The following TRIP10 variants were observed in gnomAD, a reference collection of about 807,000 sequenced individuals.
The protein encoded by TRIP10 is thyroid hormone receptor interactor 10.
TRIP10 carries 54 observed loss-of-function variants against 80.9 expected under a neutral mutation model. The ratio of observed to expected loss-of-function variants is 0.67; its 90% CI spans 0.54 to 0.84. The LOEUF (loss-of-function observed/expected upper bound fraction) is 0.84. TRIP10 is among the 40% of genes least tolerant of loss of function. The pLI is 0.00. For missense variants in TRIP10, 773 were observed against 815.3 expected (o/e 0.95, Z 0.63); for synonymous variants, 321 against 307.2 (o/e 1.04, Z -0.47).
chr19:6,743,928 C>G (rs1479072148), intron 7 of TRIP10, 92 bp downstream of exon 7: 15 of 1,497,044 alleles, frequency 1.0e-5, no homozygotes, highest in Admixed American at 2.0e-5. Flanking sequence ...GCTGCAATGT[C>G]CCAGTCCCTA....
intron 2 of TRIP10, 47 bp downstream of exon 2, chr19:6,741,172 G>C: frequency 1.2e-6 from 2 of 1,613,622 alleles, no homozygotes; most frequent in Non-Finnish European, 1.7e-6. Flanking sequence ...TGGGGCGACG[G>C]GGAGCGGTGG....
In TRIP10 at chr19:6,743,526, G is replaced by C. The variant is rs747863740; in HGVS notation, c.441G>C (p.Glu147Asp). The change falls in exon 6 of 15, where the codon GAG becomes GAC. Residue 147 changes from glutamate to aspartate, a missense_variant. Physicochemically the swap from Glu to Asp is conservative, Grantham distance 45 (BLOSUM62 2). Coordinates refer to ENST00000313244, the MANE Select transcript of TRIP10 (RefSeq NM_001288962.2). Reference sequence around the variant, plus strand: ...GTAAATTTGAGCGGGACTGCCGGGAGGCAGAGAAGGCAGCCCAGACTGCTG... The same window carrying C: ...GTAAATTTGAGCGGGACTGCCGGGACGCAGAGAAGGCAGCCCAGACTGCTG... ...SKRKFERDCR[E>D]AEKAAQTAER... 42 of 1,613,354 alleles carry C rather than the reference G, an allele frequency of 2.6e-5. No individual in the cohort carries two copies. Among genetic ancestry groups the C allele is most frequent in the Middle Eastern group, 1.6e-4 (1 of 6,080 alleles).
rs570070015 is a variant in TRIP10, at chr19:6,750,355, G to A, written c.1459G>A (p.Ala487Thr). Residue 487 changes from alanine (A) to threonine (T), a missense_variant, in exon 13 of 15, where the codon GCC (alanine) becomes ACC (threonine). Physicochemically the swap from Ala to Thr is moderately conservative, Grantham distance 58. Coordinates refer to ENST00000313244, the MANE Select transcript of TRIP10 (RefSeq NM_001288962.2). ...CCGGGGAGACAGCCTGAGCCGGCACGCCCGGCCTCCCGACCCCCCCGCTAG... is the reference window on the plus strand; with the variant it reads ...CCGGGGAGACAGCCTGAGCCGGCACACCCGGCCTCCCGACCCCCCCGCTAG... ...SNRGDSLSRH[A>T]RPPDPPASAP... 20 of 1,614,008 alleles carry A rather than the reference G, an allele frequency of 1.2e-5. No homozygotes were observed. The highest frequency in any genetic ancestry group is 1.6e-4 in the Middle Eastern group (1 of 6,062).
intron 11 of TRIP10, among the ~76,000 whole-genome samples, chr19:6,748,002 C>A (rs1221238430): frequency 6.6e-6 from 1 of 150,458 alleles, no homozygotes; most frequent in Non-Finnish European, 1.5e-5. Flanking sequence ...AAAAAAAATC[C>A]ACCATTGGTT....
At chr19:6,750,138 T>TTGTG in intron 12 of TRIP10, 72 bp downstream of exon 12, 1 of 481,576 alleles carries the variant, frequency 2.1e-6, no homozygotes, top group East Asian at 5.6e-5. Context: ...GGGTGGGGGG[T>TTGTG]CGGGGACAGG....
chr19:6,743,783 T>C lies in TRIP10; in HGVS notation c.589T>C (p.Phe197Leu), dbSNP rs1969009204. 5 of 1,614,046 alleles carry C rather than the reference T, an allele frequency of 3.1e-6. No homozygotes were observed. The highest frequency in any genetic ancestry group is 4.2e-6 in the Non-Finnish European group (5 of 1,179,984). ...KNEYAAQLQR[F>L]NRDQAHFYFS... The stretch of plus-strand genomic sequence containing the variant: ...CGAATATGCGGCTCAACTGCAGCGC[T>C]TCAACCGAGACCAAGCCCACTTCTA... Residue 197 changes from phenylalanine (F) to leucine (L), a missense_variant, in exon 7 of 15, where the codon TTC becomes CTC. Physicochemically the swap from Phe to Leu is conservative, Grantham distance 22. Transcript: ENST00000313244.
chr19:6,750,126 T>TGGGGG, intron 12 of TRIP10, 60 bp downstream of exon 12: 1 of 184,986 alleles, frequency 5.4e-6, no homozygotes, highest in Non-Finnish European at 8.7e-6. Context: ...CACTGCTGGG[T>TGGGGG]GGGGTGGGGG....
rs1969114406 is a variant in TRIP10 at position 6,746,049 on chromosome 19, C to A, written c.1005C>A (p.Ser335=). The change falls in exon 10 of 15, where the codon TCC becomes TCA. Residue 335 remains serine, a synonymous_variant. Transcript: ENST00000313244. The surrounding 1 kb of genome is among the most constrained non-coding windows in gnomAD (Gnocchi z 6.2). ...KKNKPRPPPL[S]PLGGPVPSAL... Reference sequence around the variant, plus strand: ...GGTAGCCTCGCCCCCCACCCCTCTCCCCCCTGGGGGGCCCCGTACCCTCGG... The same window carrying A: ...GGTAGCCTCGCCCCCCACCCCTCTCACCCCTGGGGGGCCCCGTACCCTCGG... 1.4e-5 allele frequency: 20 copies of A among 1,379,414 alleles called. No individual in the cohort carries two copies. Among genetic ancestry groups the A allele is most frequent in the Non-Finnish European group, 1.9e-5 (20 of 1,044,220 alleles). The allele number at this position is 1,379,414 out of a possible 1,614,324, so 85.4% of individuals were successfully genotyped here. A position where few individuals can be genotyped will look rare whatever the true frequency, so the allele number is the denominator to read the frequency against.
intron 1 of TRIP10, chr19:6,740,704 C>T: frequency 3.2e-6 from 1 of 313,442 alleles, no homozygotes; most frequent in South Asian, 5.2e-5. Context: ...ATTAGGGGAG[C>T]CCGAGCTGGG....
In TRIP10 at chr19:6,746,131, A is replaced by T; in HGVS notation, c.1087A>T (p.Ser363Cys). ...RSGRDPLAIL[S>C]EISKSVKPRL... ...CGGCCGTGACCCCTTGGCCATACTG[A>T]GCGAGATCAGTAAGTCGGTCAAACC... The change falls in exon 10 of 15, where the codon AGC becomes TGC. Residue 363 changes from serine to cysteine, a missense_variant. Physicochemically the swap from Ser to Cys is moderately radical, Grantham distance 112. Coordinates refer to ENST00000313244, the MANE Select transcript of TRIP10 (RefSeq NM_001288962.2). This position sits in a 1 kb window ranked among gnomAD's most constrained non-coding sequence, Gnocchi z 6.2. The T allele has an allele frequency of 6.5e-7, 1 of 1,543,888 alleles. No individual in the cohort carries two copies.
Position 6,746,070 on chromosome 19 carries a change from C to T in TRIP10, c.1026C>T (p.Pro342=). 1.3e-6 allele frequency: 2 copies of T among 1,518,194 alleles called. No individual in the cohort carries two copies. The highest frequency in any genetic ancestry group is 1.8e-6 in the Non-Finnish European group (2 of 1,131,636). 94.0% of individuals were successfully genotyped at this position (1,518,194 alleles called of 1,614,324 possible). A position where few individuals can be genotyped will look rare whatever the true frequency, so the allele number is the denominator to read the frequency against. ...TCTCCCCCCTGGGGGGCCCCGTACCCTCGGCATTGCCTAACGGACCCCCGT... is the reference window on the plus strand; with the variant it reads ...TCTCCCCCCTGGGGGGCCCCGTACCTTCGGCATTGCCTAACGGACCCCCGT... ...PPLSPLGGPV[P]SALPNGPPSP... Residue 342 remains proline, a synonymous_variant, in exon 10 of 15, where the codon CCC becomes CCT. Transcript: ENST00000313244. The surrounding 1 kb of genome is among the most constrained non-coding windows in gnomAD (Gnocchi z 6.2).
chr19:6,751,186 C>G lies in TRIP10; in HGVS notation c.1781C>G (p.Ser594Cys). The G allele has an allele frequency of 1.2e-6, 2 of 1,613,984 alleles. No homozygotes were observed. The highest frequency in any genetic ancestry group is 8.5e-7 in the Non-Finnish European group (1 of 1,179,980). ...GGAGGCGAGGGCTACGTGCCCACCT[C>G]CTACCTCCGAGTCACGCTCAATTGA... ...KEGGEGYVPT[S>C]YLRVTLN is the part of the protein sequence containing the mutation. The change falls in exon 15 of 15, where the codon TCC becomes TGC. Residue 594 changes from serine (S) to cysteine (C), a missense_variant. Transcript: ENST00000313244.
intron 14 of TRIP10, 121 bp downstream of exon 14, chr19:6,750,754 G>A: frequency 7.1e-7 from 1 of 1,417,910 alleles, no homozygotes; most frequent in Middle Eastern, 2.3e-4. Context: ...CCAGCACTTT[G>A]GGAAGCTGAG....
In TRIP10 at chr19:6,751,502, T is replaced by A; in HGVS notation, c.*291T>A. On this transcript the variant is annotated 3_prime_UTR_variant, in exon 15 of 15. Coordinates refer to ENST00000313244, the MANE Select transcript of TRIP10 (RefSeq NM_001288962.2). ...AAAATGGGAAAAAAAAAAAAGAAAT[T>A]ATATAAAGTTCCTAGAGTCGGTGTC... is the stretch of plus-strand genomic sequence containing the variant. The A allele has an allele frequency of 1.6e-6, 1 of 621,472 alleles. No individual in the cohort carries two copies. Among genetic ancestry groups the A allele is most frequent in the Non-Finnish European group, 2.4e-6 (1 of 412,628 alleles). 38.5% of individuals were successfully genotyped at this position (621,472 alleles called of 1,614,324 possible).
chr19:6,746,375 G>A lies in TRIP10; in HGVS notation c.1153-77G>A. The A allele has an allele frequency of 1.3e-6, 2 of 1,579,020 alleles. No homozygotes were observed. Among genetic ancestry groups the A allele is most frequent in the Non-Finnish European group, 8.7e-7 (1 of 1,156,020 alleles). On this transcript the variant is annotated intron_variant, in intron 10 of 14. Coordinates refer to ENST00000313244, the MANE Select transcript of TRIP10 (RefSeq NM_001288962.2). This position sits in a 1 kb window ranked among gnomAD's most constrained non-coding sequence, Gnocchi z 6.2. ...AAGAACCATGGCTGGGGAAGGGAGT[G>A]AAATATCTCAGACGGGTGCAGAGTC...
In TRIP10 at chr19:6,743,042, T is replaced by C. The variant is rs1599559062; in HGVS notation, c.273T>C (p.Ala91=). 6.2e-7 allele frequency: 1 copy of C among 1,614,144 alleles called. No homozygotes were observed. Among genetic ancestry groups the C allele is most frequent in the African/African-American group, 1.3e-5 (1 of 75,050 alleles). ...NDFAGQRELV[A]ENLSVRVCLE... ...TTGCAGGCCAGCGGGAGCTGGTGGC[T>C]GAGAACCTCAGTGTCCGTGTATGTC... Residue 91 remains alanine, a synonymous_variant, in exon 4 of 15, where the codon GCT becomes GCC. Transcript: ENST00000313244.
rs376279530 is a variant in TRIP10 at position 6,744,804 on chromosome 19, C to T, written c.794C>T (p.Ser265Phe). ...AANAVDPKND[S>F]HVLIELHKSG... ...TCCACTGTCCCCCTCCCCCAGGACT[C>T]CCACGTCCTTATAGAGCTGCACAAG... The change falls in exon 9 of 15, where the codon TCC becomes TTC. Residue 265 changes from serine to phenylalanine, a missense_variant. Coordinates refer to ENST00000313244, the MANE Select transcript of TRIP10 (RefSeq NM_001288962.2). This position sits in a 1 kb window ranked among gnomAD's most constrained non-coding sequence, Gnocchi z 4.9. The T allele has an allele frequency of 1.2e-6, 2 of 1,612,882 alleles. No individual in the cohort carries two copies. The highest frequency in any genetic ancestry group is 2.2e-5 in the South Asian group (2 of 90,874).
In TRIP10 at chr19:6,743,515, G is replaced by T; in HGVS notation, c.430G>T (p.Asp144Tyr). ...ACAGAGTAAGCGTAAATTTGAGCGG[G>T]ACTGCCGGGAGGCAGAGAAGGCAGC... ...LENSKRKFER[D>Y]CREAEKAAQT... The change falls in exon 6 of 15, where the codon GAC (aspartate) becomes TAC (tyrosine). Residue 144 changes from aspartate (D) to tyrosine (Y), a missense_variant. Physicochemically the swap from Asp to Tyr is radical, Grantham distance 160. Coordinates refer to ENST00000313244, the MANE Select transcript of TRIP10 (RefSeq NM_001288962.2). The T allele has an allele frequency of 6.2e-7, 1 of 1,613,456 alleles. No individual in the cohort carries two copies. The highest frequency in any genetic ancestry group is 8.5e-7 in the Non-Finnish European group (1 of 1,179,912).
intron 1 of TRIP10, among the ~76,000 whole-genome samples, chr19:6,740,158 G>C (rs1968866375): frequency 6.6e-6 from 1 of 152,192 alleles, no homozygotes; most frequent in Non-Finnish European, 1.5e-5. Flanking sequence ...GCTAGGAGGG[G>C]GGAGGGGACC....
Sources: gnomAD v4.1 joint callset for allele counts (sites outside exome capture counted in the v4.1 genomes callset) on GRCh38, gnomAD v4.1.1 for gene constraint, Gnocchi (gnomAD v3.1) non-coding constraint, MANE v1.5 for transcripts, NCBI Gene and HGNC (gene_info 2026-07-23, HGNC 2026-07-21) for gene names.